NRG3: variants seen among roughly 807,000 people sequenced by gnomAD.
NRG3 encodes pro-neuregulin-3, membrane-bound isoform.
NRG3 carries 31 observed loss-of-function variants against 66.9 expected under a neutral mutation model. The ratio of observed to expected loss-of-function variants is 0.46; its 90% CI spans 0.35 to 0.63. The LOEUF is 0.63. Among genes scored for constraint, NRG3 ranks in the 20% least tolerant of loss-of-function variants. The probability of loss-of-function intolerance (pLI) is 0.00; values close to 1 mark genes in which losing one functional copy is unlikely to be tolerated. For missense variants in NRG3, 910 were observed against 878.9 expected (o/e 1.04, Z -0.45); for synonymous variants, 393 against 359.4 (o/e 1.09, Z -1.06).
At chr10:82,139,556 A>G (rs1475593175) in intron 1 of NRG3, among the ~76,000 whole-genome samples, 1 of 152,170 alleles carries the variant, frequency 6.6e-6, no homozygotes, top group Non-Finnish European at 1.5e-5. Context: ...TCTGAAAACT[A>G]CATTATTGTT....
At chr10:81,955,786 C>A in intron 1 of NRG3, among the ~76,000 whole-genome samples, 1 of 152,108 alleles carries the variant, frequency 6.6e-6, no homozygotes, top group African/African-American at 2.4e-5. Flanking sequence ...TTAATATTCT[C>A]CATGCTGATG....
chr10:82,856,458 A>G (rs1451656222), intron 3 of NRG3, among the ~76,000 whole-genome samples: 1 of 152,036 alleles, frequency 6.6e-6, no homozygotes, highest in Non-Finnish European at 1.5e-5. Flanking sequence ...ATAAAAGGAT[A>G]TGTGGGCTGG....
intron 1 of NRG3, among the ~76,000 whole-genome samples, chr10:82,141,749 A>T (rs2069797428): frequency 1.3e-5 from 2 of 152,202 alleles, no homozygotes; most frequent in African/African-American, 4.8e-5. Flanking sequence ...CTACTGCTAA[A>T]ATAAAGTAGA....
intron 1 of NRG3, among the ~76,000 whole-genome samples, chr10:82,195,440 C>CT (rs1395212901): frequency 6.6e-6 from 1 of 152,178 alleles, no homozygotes; most frequent in East Asian, 1.9e-4. Context: ...GACTCAAGTA[C>CT]TATCAGCACC....
Position 82,979,098 on chromosome 10 carries a change from C to G in NRG3, c.1561C>G (p.Gln521Glu), listed in dbSNP as rs1382119181. The change falls in exon 8 of 9, where the codon CAG becomes GAG. Residue 521 changes from glutamine to glutamate, a missense_variant. Transcript: ENST00000372141. The stretch of plus-strand genomic sequence containing the variant: ...ACTCGAAGAATCAAGGATCCCAGAC[C>G]AGGATACGATACCTTGCCAAGGGTA... ...QQLEESRIPDQDTIPCQGYSS... is the reference protein window; with the variant it reads ...QQLEESRIPDEDTIPCQGYSS... 3.1e-6 allele frequency: 5 copies of G among 1,613,996 alleles called. No individual in the cohort carries two copies. Among genetic ancestry groups the G allele is most frequent in the East Asian group, 4.5e-5 (2 of 44,852 alleles).
chr10:82,952,425 CAA>C (rs35502999), intron 5 of NRG3, among the ~76,000 whole-genome samples: 4 of 104,554 alleles, frequency 3.8e-5, no homozygotes, highest in Admixed American at 1.0e-4. Context: ...AGAGTTGTCT[CAA>C]AAAAAAAAAA....
intron 1 of NRG3, among the ~76,000 whole-genome samples, chr10:82,152,721 TATA>T (rs377642469): frequency 0.98 from 149,206 of 152,020 alleles, 73,241 homozygotes; most frequent in East Asian, 1. Flanking sequence ...GAAAATGCCA[TATA>T]TTTGAAATCT....
At chr10:82,845,562 ATCTT>A (rs921393170) in intron 3 of NRG3, among the ~76,000 whole-genome samples, 9 of 152,020 alleles carry the variant, frequency 5.9e-5, no homozygotes, top group African/African-American at 2.2e-4. Flanking sequence ...GATGTTAAAA[ATCTT>A]TATAGGAGAA....
At chr10:82,790,736 G>A (rs973111738) in intron 3 of NRG3, among the ~76,000 whole-genome samples, 2 of 151,860 alleles carry the variant, frequency 1.3e-5, no homozygotes, top group African/African-American at 4.8e-5. Flanking sequence ...GTACCACATA[G>A]TCTTTTTGAG....
chr10:82,673,447 T>G (rs929743704), intron 2 of NRG3, among the ~76,000 whole-genome samples: 1 of 152,238 alleles, frequency 6.6e-6, no homozygotes, highest in Admixed American at 6.5e-5. Context: ...TTGTTTTCAT[T>G]ATACTGTATT....
chr10:82,314,701 T>C (rs1408562587), intron 1 of NRG3, among the ~76,000 whole-genome samples: 3 of 152,130 alleles, frequency 2.0e-5, no homozygotes, highest in South Asian at 4.2e-4. Flanking sequence ...TCTCAGCTAC[T>C]CCAGAGGCTG....
intron 1 of NRG3, among the ~76,000 whole-genome samples, chr10:82,021,745 C>T (rs771687453): frequency 9.4e-5 from 14 of 149,084 alleles, no homozygotes; most frequent in East Asian, 2.0e-4. Context: ...AGCCTGATGG[C>T]GTTGTTTACT....
intron 1 of NRG3, among the ~76,000 whole-genome samples, chr10:82,053,731 A>AT (rs374501961): frequency 7.0e-4 from 107 of 152,146 alleles, no homozygotes; most frequent in Middle Eastern, 3.4e-3. Context: ...TGAAATAAAC[A>AT]TTTTTTTTGT....
chr10:82,650,200 T>A (rs1435285758), intron 2 of NRG3, among the ~76,000 whole-genome samples: 1 of 152,194 alleles, frequency 6.6e-6, no homozygotes, highest in Non-Finnish European at 1.5e-5. Flanking sequence ...TATGTGTATG[T>A]CTCCCTTTAC....
In NRG3 at chr10:82,310,371, T is replaced by A. The variant is rs181777962; in HGVS notation, c.824-48368T>A. Among the ~76,000 whole-genome samples, 86 of 152,328 alleles carry A rather than the reference T, an allele frequency of 5.6e-4. 1 individual carries two copies. Among genetic ancestry groups the A allele is most frequent in the Admixed American group, 5.6e-3 (85 of 15,294 alleles). ...ATTTCTGGGTTTGTGTCTATTATCC[T>A]GCAAATAACGAATACCCCTAAAATG... On this transcript the variant is annotated intron_variant, in intron 1 of 8. Transcript: ENST00000372141.
chr10:82,075,714 CTG>C (rs2065052905), intron 1 of NRG3, among the ~76,000 whole-genome samples: 1 of 151,410 alleles, frequency 6.6e-6, no homozygotes, highest in African/African-American at 2.4e-5. Flanking sequence ...GAAGTGTATG[CTG>C]TGTGTGTGAG....
chr10:81,882,711 T>G (rs2132487257), intron 1 of NRG3, among the ~76,000 whole-genome samples: 1 of 152,308 alleles, frequency 6.6e-6, no homozygotes, highest in African/African-American at 2.4e-5. Context: ...TGAATTCGGT[T>G]GAAATATTGG....
At chr10:82,532,655 A>G (rs188823885) in intron 2 of NRG3, among the ~76,000 whole-genome samples, 17 of 149,668 alleles carry the variant, frequency 1.1e-4, no homozygotes, top group African/African-American at 4.1e-4. Context: ...ATATATGTAT[A>G]TATCTCTCAT....
chr10:81,935,273 T>C (rs907997526), intron 1 of NRG3, among the ~76,000 whole-genome samples: 1 of 152,236 alleles, frequency 6.6e-6, no homozygotes, highest in African/African-American at 2.4e-5. Context: ...GATATTCATG[T>C]GTCCTTAGGT....
Sources: allele counts gnomAD v4.1 joint callset (sites outside exome capture counted in the v4.1 genomes callset), GRCh38; gene constraint gnomAD v4.1.1; transcripts MANE v1.5; gene names NCBI Gene and HGNC (gene_info 2026-07-23, HGNC 2026-07-21).